Variants in IGSF11 observed in about 807,000 individuals in gnomAD.
IGSF11 encodes CXADR like 1.
Under a neutral mutation model 41.0 loss-of-function variants are expected in IGSF11, and 22 were observed. That is an observed-to-expected ratio of 0.54 (90% CI 0.38 to 0.77). The LOEUF (loss-of-function observed/expected upper bound fraction) is 0.77, where lower values mean the gene tolerates loss of function less well. IGSF11 is among the 30% of genes least tolerant of loss of function. The pLI is 0.00. For missense variants in IGSF11, 444 were observed against 530.8 expected (o/e 0.84, Z 1.61); for synonymous variants, 219 against 201.3 (o/e 1.09, Z -0.74).
chr3:119,083,201 T>G (rs901220964), intron 1 of IGSF11, among the ~76,000 whole-genome samples: 1 of 151,158 alleles, frequency 6.6e-6, no homozygotes, highest in Non-Finnish European at 1.5e-5. Context: ...GGCATGATCT[T>G]GCTGCGGCCT....
At chr3:118,973,636 T>C (rs1271344197) in intron 1 of IGSF11, among the ~76,000 whole-genome samples, 3 of 152,138 alleles carry the variant, frequency 2.0e-5, no homozygotes, top group African/African-American at 7.2e-5. Context: ...TGCTAAGTAA[T>C]GTAAGATCTC....
intron 1 of IGSF11, among the ~76,000 whole-genome samples, chr3:119,049,257 T>G (rs992357879): frequency 2.0e-5 from 3 of 151,460 alleles, no homozygotes; most frequent in African/African-American, 4.8e-5. Context: ...CCCCATTGTC[T>G]CAGCCCAAAA....
upstream of IGSF11, among the ~76,000 whole-genome samples, chr3:119,038,471 T>C (rs1940995205): frequency 6.6e-6 from 1 of 152,206 alleles, no homozygotes; most frequent in African/African-American, 2.4e-5. Context: ...TTTCCCATCT[T>C]CATCCATTTT....
intron 1 of IGSF11, among the ~76,000 whole-genome samples, chr3:119,081,169 C>T (rs2076579955): frequency 6.6e-6 from 1 of 151,972 alleles, no homozygotes; most frequent in African/African-American, 2.4e-5. Context: ...TTACTATCTC[C>T]TTCTTACTTT....
intron 1 of IGSF11, among the ~76,000 whole-genome samples, chr3:119,055,536 C>T (rs187115733): frequency 2.0e-3 from 302 of 152,264 alleles, no homozygotes; most frequent in Non-Finnish European, 3.6e-3. Flanking sequence ...CTTTTAACAA[C>T]CCACTGTCAA....
intron 1 of IGSF11, among the ~76,000 whole-genome samples, chr3:118,945,513 T>TA (rs1453773663): frequency 6.6e-6 from 1 of 151,986 alleles, no homozygotes; most frequent in Non-Finnish European, 1.5e-5. Flanking sequence ...AAAGAAATGT[T>TA]AAAAAACAAA....
Position 119,044,357 on chromosome 3 carries a change from G to A in IGSF11, c.49+60787C>T, listed in dbSNP as rs556682883. On this transcript the variant is annotated intron_variant, in intron 1 of 6. Coordinates refer to the IGSF11 transcript ENST00000354673. ...TTTCTAGTTAACCCAATCAGACAAGGGTAAAGAAAAAAAGAATTTTTAAAA... is the reference window on the plus strand; with the variant it reads ...TTTCTAGTTAACCCAATCAGACAAGAGTAAAGAAAAAAAGAATTTTTAAAA... 2.0e-5 allele frequency among the ~76,000 whole-genome samples: 3 copies of A among 151,520 alleles called. No homozygotes were observed. In the South Asian group the frequency reaches 6.3e-4, roughly 32 times the overall value.
intron 4 of IGSF11, among the ~76,000 whole-genome samples, chr3:118,915,285 G>T (rs1381350643): frequency 1.5e-5 from 2 of 136,638 alleles, no homozygotes; most frequent in African/African-American, 6.0e-5. Flanking sequence ...AGAGAAGAAG[G>T]CTTCAGACGA....
intron 4 of IGSF11, among the ~76,000 whole-genome samples, chr3:118,920,703 A>G (rs1314851331): frequency 6.6e-6 from 1 of 152,228 alleles, no homozygotes; most frequent in Non-Finnish European, 1.5e-5. Context: ...GAAAATTGGC[A>G]TAATTATAAG....
At chr3:119,134,072 A>G (rs962019327) in intron 1 of IGSF11, among the ~76,000 whole-genome samples, 2 of 152,208 alleles carry the variant, frequency 1.3e-5, no homozygotes, top group Non-Finnish European at 2.9e-5. Context: ...TCTCAAAATA[A>G]TAAGAGCTAT....
intron 1 of IGSF11, chr3:118,949,277 C>G (rs1944402348): frequency 7.0e-6 from 1 of 142,320 alleles, no homozygotes; most frequent in African/African-American, 2.6e-5. Flanking sequence ...TCCTCTGTTA[C>G]TATTACTCAT....
At chr3:118,999,290 T>C (rs1387268174) in intron 1 of IGSF11, among the ~76,000 whole-genome samples, 1 of 152,108 alleles carries the variant, frequency 6.6e-6, no homozygotes, top group Non-Finnish European at 1.5e-5. Flanking sequence ...GAACCATGTA[T>C]AAGAGTACTT....
chr3:118,921,756 A>G (rs1229303549), intron 4 of IGSF11, among the ~76,000 whole-genome samples: 7 of 152,142 alleles, frequency 4.6e-5, no homozygotes, highest in East Asian at 1.9e-4. Context: ...GAACATCTTG[A>G]TGGTGATATG....
chr3:119,061,322 T>C (rs1010657469), intron 1 of IGSF11, among the ~76,000 whole-genome samples: 1 of 152,210 alleles, frequency 6.6e-6, no homozygotes, highest in African/African-American at 2.4e-5. Flanking sequence ...CAGGTATAAC[T>C]TAACAGTGTC....
chr3:118,996,611 T>G (rs763173063), intron 1 of IGSF11, among the ~76,000 whole-genome samples: 21 of 152,018 alleles, frequency 1.4e-4, no homozygotes, highest in Non-Finnish European at 2.8e-4. Flanking sequence ...TTGTTTTTGT[T>G]TTTGTTTTTT....
Position 119,034,600 on chromosome 3 carries a change from C to A in IGSF11, c.-18G>T. ...GAAGTCATCCCGGGGCCGCAGGGAG[C>A]GCGCCTGCCTCCTACCCGGCTCCCG... On this transcript the variant is annotated 5_prime_UTR_variant, in exon 1 of 7. Transcript: ENST00000393775. 6.3e-7 allele frequency: 1 copy of A among 1,580,076 alleles called. No individual in the cohort carries two copies. The highest frequency in any genetic ancestry group is 1.8e-5 in the Admixed American group (1 of 56,054).
chr3:118,928,071 C>T (rs1576392365), intron 3 of IGSF11, among the ~76,000 whole-genome samples: 1 of 152,118 alleles, frequency 6.6e-6, no homozygotes, highest in Non-Finnish European at 1.5e-5. Flanking sequence ...CAGGACAACA[C>T]GTGCAAGCCA....
chr3:119,007,924 T>C (rs915693333), intron 1 of IGSF11, among the ~76,000 whole-genome samples: 8 of 152,182 alleles, frequency 5.3e-5, no homozygotes, highest in Admixed American at 3.3e-4. Context: ...TCAGAAAATA[T>C]ATGCTTCGGC....
chr3:118,945,427 A>G (rs969105085), intron 1 of IGSF11, among the ~76,000 whole-genome samples: 1 of 152,222 alleles, frequency 6.6e-6, no homozygotes, highest in Non-Finnish European at 1.5e-5. Flanking sequence ...CCACCCTGTC[A>G]CCTCAGAGTA....
Sources: allele counts gnomAD v4.1 joint callset (sites outside exome capture counted in the v4.1 genomes callset), GRCh38; gene constraint gnomAD v4.1.1; transcripts MANE v1.5; gene names NCBI Gene and HGNC (gene_info 2026-07-23, HGNC 2026-07-21).